Variants in TRIM44 observed in about 807,000 individuals in gnomAD.
TRIM44 encodes the protein tripartite motif-containing protein 44.
In TRIM44, 13 loss-of-function variants were observed where a neutral mutation model predicts 37.4. That is an observed-to-expected ratio of 0.35 (90% CI 0.23 to 0.55). The LOEUF is 0.55. TRIM44 is among the 20% of genes least tolerant of loss of function. The pLI, the probability that TRIM44 is intolerant of heterozygous loss-of-function variation, is 0.89. For missense variants in TRIM44, 426 were observed against 437.2 expected, an observed-to-expected ratio of 0.97 and a Z score of 0.23; for synonymous variants, 175 against 157.2, an observed-to-expected ratio of 1.11 and a Z score of -0.85.
chr11:35,662,891 A>C lies in TRIM44; in HGVS notation c.-221A>C, dbSNP rs1056189944. ...GTGCCTTGCGCGGCAGAGGAAGCGC[A>C]GGGACAGAGCGGAGCAGGCCGAGCC... On this transcript the variant is annotated 5_prime_UTR_variant, in exon 1 of 5. Coordinates refer to ENST00000299413, the MANE Select transcript of TRIM44 (RefSeq NM_017583.6). 1 of 647,494 alleles carries C rather than the reference A, an allele frequency of 1.5e-6. No individual in the cohort carries two copies. The highest frequency in any genetic ancestry group is 1.9e-5 in the African/African-American group (1 of 52,852). The allele number at this position is 647,494 out of a possible 1,614,324, so 40.1% of individuals were successfully genotyped here.
At chr11:35,771,712 G>A (rs1462226424) in intron 4 of TRIM44, among the ~76,000 whole-genome samples, 1 of 147,482 alleles carries the variant, frequency 6.8e-6, no homozygotes, top group Non-Finnish European at 1.5e-5. Flanking sequence ...GTGAGAGAGC[G>A]AGACTCTGTC....
chr11:35,759,578 G>A (rs1349012836), intron 4 of TRIM44, among the ~76,000 whole-genome samples: 1 of 152,174 alleles, frequency 6.6e-6, no homozygotes, highest in Non-Finnish European at 1.5e-5. Context: ...GAGGCGCTCT[G>A]ATTTTTAAAG....
chr11:35,727,168 A>C (rs979296218), intron 3 of TRIM44, among the ~76,000 whole-genome samples: 1 of 152,134 alleles, frequency 6.6e-6, no homozygotes, highest in African/African-American at 2.4e-5. Flanking sequence ...AAAAAAAAAA[A>C]AAAACCAAAA....
At position 35,801,757 on chromosome 11, in the gene TRIM44, T is replaced by C. The variant is rs116375828; in HGVS notation, c.1008-4601T>C. 9.5e-4 allele frequency among the ~76,000 whole-genome samples: 144 copies of C among 152,266 alleles called. 1 individual carries two copies. Among genetic ancestry groups the C allele is most frequent in the African/African-American group, 3.2e-3 (132 of 41,556 alleles). The stretch of plus-strand genomic sequence containing the variant: ...ACAGCATTCTGCTTACTGGAATGCC[T>C]TAGTCTCATTCTGTCACCCCATCCC... On this transcript the variant is annotated intron_variant, in intron 4 of 4. Transcript: ENST00000299413.
Position 35,663,463 on chromosome 11 carries a change from G to A in TRIM44, c.352G>A (p.Glu118Lys). 1 of 1,565,638 alleles carries A rather than the reference G, an allele frequency of 6.4e-7. No individual in the cohort carries two copies. ...AGAGAGCGAGACAGAGGAAGAGAGTGAGGATGAGAGCGATGAGGAGAGTGA... is the reference window on the plus strand; with the variant it reads ...AGAGAGCGAGACAGAGGAAGAGAGTAAGGATGAGAGCGATGAGGAGAGTGA... Reference protein sequence around the residue: ...EEESETEEESEDESDEESEED... With the variant: ...EEESETEEESKDESDEESEED... The change falls in exon 1 of 5, where the codon GAG (glutamate) becomes AAG (lysine). Residue 118 changes from glutamate (E) to lysine (K), a missense_variant. Physicochemically the swap from Glu to Lys is moderately conservative, Grantham distance 56 (BLOSUM62 1). This residue lies in a region of TRIM44 where 331 missense variants were observed against 303.0 expected (regional missense o/e 1.09). Transcript: ENST00000299413.
chr11:35,809,575 A>C lies in TRIM44; in HGVS notation c.*3190A>C, dbSNP rs1565045763. On this transcript the variant is annotated 3_prime_UTR_variant, in exon 5 of 5. Coordinates refer to ENST00000299413, the MANE Select transcript of TRIM44 (RefSeq NM_017583.6). The stretch of plus-strand genomic sequence containing the variant: ...TTTCCTTTTTCATGCCATCTTCCAT[A>C]AATAAGGTGTTTCTTGGCCTTCAAA... 3 of 152,116 alleles carry C rather than the reference A, an allele frequency of 2.0e-5. No individual in the cohort carries two copies. The highest frequency in any genetic ancestry group is 4.8e-5 in the African/African-American group (2 of 41,418). The allele number at this position is 152,116 out of a possible 1,614,324, so 9.4% of individuals were successfully genotyped here.
intron 1 of TRIM44, among the ~76,000 whole-genome samples, chr11:35,671,714 G>A (rs1315957335): frequency 6.6e-6 from 1 of 152,194 alleles, no homozygotes; most frequent in Non-Finnish European, 1.5e-5. Context: ...CAACCTGCTA[G>A]GCCAAATGGA....
chr11:35,672,960 T>G (rs1250654878), intron 1 of TRIM44, among the ~76,000 whole-genome samples: 3 of 152,196 alleles, frequency 2.0e-5, no homozygotes, highest in Non-Finnish European at 4.4e-5. Context: ...TGTCATTAGT[T>G]GGAGCCACCC....
chr11:35,812,889 C>G lies in TRIM44; in HGVS notation c.*6504C>G, dbSNP rs1441547525. 1 of 152,210 alleles carries G rather than the reference C, an allele frequency of 6.6e-6. No homozygotes were observed. Among genetic ancestry groups the G allele is most frequent in the Non-Finnish European group, 1.5e-5 (1 of 68,028 alleles). The allele number at this position is 152,210 out of a possible 1,614,324, so 9.4% of individuals were successfully genotyped here. The stretch of plus-strand genomic sequence containing the variant: ...TTGGAAGGGAGAACTGTTAGACTTG[C>G]TTTATCTTCTTTATTCCAAGGCCAT... On this transcript the variant is annotated 3_prime_UTR_variant, in exon 5 of 5. Coordinates refer to ENST00000299413, the MANE Select transcript of TRIM44 (RefSeq NM_017583.6).
intron 4 of TRIM44, among the ~76,000 whole-genome samples, chr11:35,756,641 T>C (rs1021914415): frequency 4.6e-5 from 7 of 152,142 alleles, no homozygotes; most frequent in African/African-American, 1.7e-4. Context: ...TGGCTGTGGG[T>C]TTGTCATAGA....
intron 4 of TRIM44, among the ~76,000 whole-genome samples, chr11:35,756,417 G>A (rs1852641193): frequency 6.6e-6 from 1 of 152,128 alleles, no homozygotes; most frequent in South Asian, 2.1e-4. Context: ...TGAGACGATG[G>A]GGTTTTCTAG....
rs1590621408 is a variant in TRIM44, at chr11:35,816,973, T to G, written c.*10588T>G. ...TCTGTACCACATCCCCATGTACTTT[T>G]TCATATCAACGGTAAGTACCTCAAA... On this transcript the variant is annotated 3_prime_UTR_variant, in exon 5 of 5. Transcript: ENST00000299413. The G allele has an allele frequency of 6.6e-6, 1 of 152,196 alleles. No individual in the cohort carries two copies. Among genetic ancestry groups the G allele is most frequent in the East Asian group, 1.9e-4 (1 of 5,192 alleles). The allele number at this position is 152,196 out of a possible 1,614,324, so 9.4% of individuals were successfully genotyped here.
intron 4 of TRIM44, among the ~76,000 whole-genome samples, chr11:35,758,818 A>C (rs1852683799): frequency 6.6e-6 from 1 of 152,220 alleles, no homozygotes; most frequent in Admixed American, 6.5e-5. Flanking sequence ...AAGAATGTTG[A>C]GTATTGGCCC....
At chr11:35,681,420 T>C (rs755429461) in intron 1 of TRIM44, among the ~76,000 whole-genome samples, 35 of 152,202 alleles carry the variant, frequency 2.3e-4, no homozygotes, top group Non-Finnish European at 3.7e-4. Context: ...TACAGATTAA[T>C]CAAATTCTGA....
intron 2 of TRIM44, among the ~76,000 whole-genome samples, chr11:35,692,205 T>G (rs879844073): frequency 6.6e-6 from 1 of 152,104 alleles, no homozygotes; most frequent in Non-Finnish European, 1.5e-5. Context: ...TATAAAGAAA[T>G]GCAGATTCTT....
intron 4 of TRIM44, among the ~76,000 whole-genome samples, chr11:35,773,308 T>C (rs1358660767): frequency 6.6e-6 from 1 of 152,198 alleles, no homozygotes; most frequent in Non-Finnish European, 1.5e-5. Context: ...ATTCATGTCT[T>C]TGGCCCACTT....
chr11:35,710,751 C>G (rs1851959772), intron 2 of TRIM44, among the ~76,000 whole-genome samples: 1 of 152,188 alleles, frequency 6.6e-6, no homozygotes, highest in African/African-American at 2.4e-5. Flanking sequence ...ATGTACATTT[C>G]TCTTACAAAA....
intron 4 of TRIM44, among the ~76,000 whole-genome samples, chr11:35,744,731 C>T (rs549233347): frequency 6.6e-6 from 1 of 152,268 alleles, no homozygotes; most frequent in East Asian, 1.9e-4. Flanking sequence ...CCACACCCAA[C>T]CCTCTGACAG....
intron 4 of TRIM44, among the ~76,000 whole-genome samples, chr11:35,783,215 G>T (rs531800753): frequency 2.6e-5 from 4 of 152,268 alleles, no homozygotes; most frequent in African/African-American, 9.6e-5. Context: ...CACAAAGCTA[G>T]TATATAGCAG....
Sources: gnomAD v4.1 joint callset for allele counts (sites outside exome capture counted in the v4.1 genomes callset) on GRCh38, gnomAD v4.1.1 for gene constraint, gnomAD v4.1.1 regional missense constraint, MANE v1.5 for transcripts, NCBI Gene and HGNC (gene_info 2026-07-23, HGNC 2026-07-21) for gene names.